CACNA1C: variants seen among roughly 807,000 people sequenced by gnomAD.
The protein encoded by CACNA1C is voltage-dependent L-type calcium channel subunit alpha-1C.
Under a neutral mutation model 229.0 loss-of-function variants are expected in CACNA1C, and 30 were observed. The observed-to-expected ratio is 0.13, with a 90% CI of 0.10 to 0.18. The LOEUF (loss-of-function observed/expected upper bound fraction) is 0.18, where lower values mean the gene tolerates loss of function less well. Among genes scored for constraint, CACNA1C ranks in the 10% least tolerant of loss-of-function variants. CACNA1C has a pLI of 1.00. For missense variants in CACNA1C, 1,658 were observed against 2,845.0 expected (o/e 0.58, Z 9.49); for synonymous variants, 1,114 against 1,132.5 (o/e 0.98, Z 0.33).
At chr12:2,648,589 G>A in intron 31 of CACNA1C, 82 bp downstream of exon 31, 4 of 1,259,670 alleles carry the variant, frequency 3.2e-6, no homozygotes, top group Non-Finnish European at 4.7e-6. Context: ...GAACTCCAGA[G>A]TCCCTGGGAG....
intron 3 of CACNA1C, among the ~76,000 whole-genome samples, chr12:2,235,245 A>G (rs1024830076): frequency 6.6e-6 from 1 of 152,138 alleles, no homozygotes; most frequent in East Asian, 1.9e-4. Flanking sequence ...TACTGTTCAG[A>G]ATTCTGATTC....
At chr12:1,977,575 T>C (rs577782747) in intron 1 of CACNA1C, among the ~76,000 whole-genome samples, 79 of 152,358 alleles carry the variant, frequency 5.2e-4, no homozygotes, top group African/African-American at 1.8e-3. Flanking sequence ...CTAAATCTGT[T>C]TATTTCCTGT....
chr12:2,591,722 C>G (rs1056968025), intron 18 of CACNA1C, among the ~76,000 whole-genome samples: 3 of 152,242 alleles, frequency 2.0e-5, no homozygotes, highest in Admixed American at 1.3e-4. Context: ...AGTGACCACA[C>G]ACTGGGCAGC....
chr12:2,631,482 T>TA (rs2090376280), intron 29 of CACNA1C, among the ~76,000 whole-genome samples: 4 of 152,204 alleles, frequency 2.6e-5, no homozygotes, highest in Non-Finnish European at 2.9e-5. Context: ...TTTTAAGTCT[T>TA]ATGCATAGCT....
At chr12:2,283,872 C>G (rs1012160597) in intron 3 of CACNA1C, among the ~76,000 whole-genome samples, 55 of 152,306 alleles carry the variant, frequency 3.6e-4, no homozygotes, top group African/African-American at 1.3e-3. Context: ...AGGCATGAAG[C>G]TGCTTGCAAG....
At position 2,504,537 on chromosome 12, in the gene CACNA1C, C is replaced by T. The variant is rs751480224; in HGVS notation, c.1114-305C>T. 2 of 1,582,050 alleles carry T rather than the reference C, an allele frequency of 1.3e-6. No homozygotes were observed. Among genetic ancestry groups the T allele is most frequent in the South Asian group, 1.1e-5 (1 of 90,352 alleles). ...TAAATCTGGTTCTCGGTGTGTTGAG[C>T]GGGTAAGCTGACCGTTTCTATGTCC... On this transcript the variant is annotated intron_variant, in intron 7 of 46. Coordinates refer to ENST00000399655, the MANE Select transcript of CACNA1C (RefSeq NM_000719.7). The surrounding 1 kb of genome is among the most constrained non-coding windows in gnomAD (Gnocchi z 6.8).
At chr12:2,359,066 G>A (rs2097480156) in intron 3 of CACNA1C, among the ~76,000 whole-genome samples, 1 of 152,186 alleles carries the variant, frequency 6.6e-6, no homozygotes, top group African/African-American at 2.4e-5. Context: ...ATCCCCATGA[G>A]AAAGCTTTTT....
chr12:2,199,342 TTCC>T (rs1313252961), intron 3 of CACNA1C, among the ~76,000 whole-genome samples: 3 of 152,142 alleles, frequency 2.0e-5, no homozygotes, highest in African/African-American at 7.2e-5. Flanking sequence ...ACCCCTCCCC[TTCC>T]TCCTCCTCAG....
intron 3 of CACNA1C, among the ~76,000 whole-genome samples, chr12:2,153,029 C>G (rs924148117): frequency 6.6e-6 from 1 of 152,184 alleles, no homozygotes; most frequent in Non-Finnish European, 1.5e-5. Context: ...CATCCAGCTG[C>G]CTTTCAGTGG....
At chr12:2,572,277 A>G (rs2054929407) in intron 13 of CACNA1C, among the ~76,000 whole-genome samples, 1 of 141,218 alleles carries the variant, frequency 7.1e-6, no homozygotes, top group East Asian at 2.1e-4. Context: ...TTCATATGCA[A>G]TCGGAAAACT....
At chr12:2,541,266 A>G (rs1238885718) in intron 9 of CACNA1C, among the ~76,000 whole-genome samples, 2 of 152,194 alleles carry the variant, frequency 1.3e-5, no homozygotes, top group Non-Finnish European at 2.9e-5. Context: ...GATGAAGCCA[A>G]ATTACAGGGT....
Position 2,227,857 on chromosome 12 carries a change from TCTTACAA to T in CACNA1C, c.477+107438_477+107444del, listed in dbSNP as rs368973413. 6.4e-3 allele frequency among the ~76,000 whole-genome samples: 981 copies of T among 152,316 alleles called. 12 individuals are homozygous for T. The highest frequency in any genetic ancestry group is 0.024 in the Middle Eastern group (7 of 294). Reference sequence around the variant, plus strand: ...ATTGATACATAAAATAATGGGCACATCTTACAACTTACAACTTTGACTTGATGGACAT... The same window carrying T: ...ATTGATACATAAAATAATGGGCACATCTTACAACTTTGACTTGATGGACAT... On this transcript the variant is annotated intron_variant, in intron 3 of 46. Transcript: ENST00000399655.
At chr12:2,038,804 T>C (rs1016372348) in intron 1 of CACNA1C, among the ~76,000 whole-genome samples, 1 of 152,158 alleles carries the variant, frequency 6.6e-6, no homozygotes, top group Non-Finnish European at 1.5e-5. Context: ...CCTGATGTTT[T>C]TTTCCCCATG....
intron 3 of CACNA1C, among the ~76,000 whole-genome samples, chr12:2,398,968 C>T (rs1477815999): frequency 3.3e-5 from 5 of 152,128 alleles, no homozygotes; most frequent in Middle Eastern, 3.2e-3. Flanking sequence ...TGTCACAGAC[C>T]CCAGGAACAT....
At chr12:2,304,229 C>T (rs1020361951) in intron 3 of CACNA1C, among the ~76,000 whole-genome samples, 3 of 152,064 alleles carry the variant, frequency 2.0e-5, no homozygotes, top group African/African-American at 4.8e-5. Context: ...GGCTGCCAGC[C>T]GGGCGTGTGT....
chr12:2,364,349 G>A (rs958860388), intron 3 of CACNA1C, among the ~76,000 whole-genome samples: 2 of 152,192 alleles, frequency 1.3e-5, no homozygotes, highest in African/African-American at 2.4e-5. Flanking sequence ...CAGTAAAAGT[G>A]CACACCTTGT....
intron 3 of CACNA1C, among the ~76,000 whole-genome samples, chr12:2,156,139 A>G (rs1597532064): frequency 6.6e-6 from 1 of 152,342 alleles, no homozygotes; most frequent in East Asian, 1.9e-4. Context: ...CTATCTTTTA[A>G]GGTACACATA....
Position 2,354,707 on chromosome 12 carries a change from A to G in CACNA1C, c.478-94269A>G, listed in dbSNP as rs7316040. On this transcript the variant is annotated intron_variant, in intron 3 of 46. Coordinates refer to ENST00000399655, the MANE Select transcript of CACNA1C (RefSeq NM_000719.7). This position sits in a 1 kb window ranked among gnomAD's most constrained non-coding sequence, Gnocchi z 4.6. ...GGCTTGTAATTTGGCTTTTCTGAGC[A>G]TGGCAAGAGAATCCTGCATGTCACT... Among the ~76,000 whole-genome samples the G allele has an allele frequency of 2.0e-5, 3 of 152,092 alleles. No individual in the cohort carries two copies. Among genetic ancestry groups the G allele is most frequent in the Admixed American group, 6.5e-5 (1 of 15,280 alleles).
intron 3 of CACNA1C, among the ~76,000 whole-genome samples, chr12:2,227,129 C>T (rs898940077): frequency 6.6e-6 from 1 of 152,160 alleles, no homozygotes; most frequent in African/African-American, 2.4e-5. Flanking sequence ...TTTAGCTATT[C>T]CCCTCCTCTC....
Sources: gnomAD v4.1 joint callset for allele counts (sites outside exome capture counted in the v4.1 genomes callset) on GRCh38, gnomAD v4.1.1 for gene constraint, Gnocchi (gnomAD v3.1) non-coding constraint, MANE v1.5 for transcripts, NCBI Gene and HGNC (gene_info 2026-07-23, HGNC 2026-07-21) for gene names.